GLI2: variants seen among roughly 807,000 people sequenced by gnomAD.
The protein encoded by GLI2 is transcription activator GLI2.
A neutral mutation model predicts 78.9 loss-of-function variants in GLI2; 22 were observed. The observed-to-expected ratio is 0.28, with a 90% CI of 0.20 to 0.40. The LOEUF (loss-of-function observed/expected upper bound fraction) is 0.40. Ranked by LOEUF, GLI2 falls within the 10% of genes least tolerant of loss-of-function variation. The pLI is 1.00. For synonymous variants in GLI2, 974 were observed against 963.7 expected, an observed-to-expected ratio of 1.01 and a Z score of -0.20; for missense variants, 2,097 against 2,213.2, an observed-to-expected ratio of 0.95 and a Z score of 1.05.
intron 2 of GLI2, among the ~76,000 whole-genome samples, chr2:120,822,759 TACA>T (rs543826162): frequency 8.8e-4 from 134 of 152,246 alleles, no homozygotes; most frequent in African/African-American, 3.2e-3. Flanking sequence ...GACGTTAAAA[TACA>T]ACAACAAAAC....
rs115728248 is a variant in GLI2 at position 120,847,253 on chromosome 2, C to T, written c.148+49785C>T. On this transcript the variant is annotated intron_variant, in intron 2 of 13. Coordinates refer to ENST00000361492, the MANE Select transcript of GLI2 (RefSeq NM_001374353.1). ...TGAGGGCTCGTCATCCTGGGATGGG[C>T]CCAAAACGTTTTAATTTTTTAATAA... Among the ~76,000 whole-genome samples the T allele has an allele frequency of 6.5e-3, 985 of 151,818 alleles. 9 individuals carry two copies. Among genetic ancestry groups the T allele is most frequent in the African/African-American group, 0.023 (945 of 41,384 alleles).
At chr2:120,847,404 G>A (rs1205091759) in intron 2 of GLI2, among the ~76,000 whole-genome samples, 2 of 152,148 alleles carry the variant, frequency 1.3e-5, no homozygotes, top group Non-Finnish European at 2.9e-5. Flanking sequence ...ACAGGTAAAA[G>A]CGTTTCGAGG....
intron 1 of GLI2, among the ~76,000 whole-genome samples, chr2:120,743,736 C>T (rs1053142941): frequency 6.6e-5 from 10 of 152,224 alleles, no homozygotes; most frequent in East Asian, 1.9e-4. Context: ...CAAGTTGCTT[C>T]GCCTATCTCT....
intron 2 of GLI2, among the ~76,000 whole-genome samples, chr2:120,830,680 T>C (rs1405923475): frequency 1.3e-5 from 2 of 152,140 alleles, no homozygotes; most frequent in African/African-American, 2.4e-5. Flanking sequence ...CTCTGGAGAA[T>C]GTGCAGGTGG....
intron 2 of GLI2, among the ~76,000 whole-genome samples, chr2:120,916,261 G>C (rs182064153): frequency 6.6e-6 from 1 of 152,220 alleles, no homozygotes; most frequent in Non-Finnish European, 1.5e-5. Flanking sequence ...TCTCGAGGAC[G>C]CCAGCAAGAG....
At chr2:120,975,296 G>A (rs1682402652) in intron 9 of GLI2, among the ~76,000 whole-genome samples, 187 bp downstream of exon 9, 1 of 152,198 alleles carries the variant, frequency 6.6e-6, no homozygotes, top group Non-Finnish European at 1.5e-5. Flanking sequence ...TTTTAAGATG[G>A]CTTCCAATAC....
chr2:120,820,882 A>C (rs1240054030), intron 2 of GLI2, among the ~76,000 whole-genome samples: 1 of 152,098 alleles, frequency 6.6e-6, no homozygotes. Context: ...TTGAGTGGCC[A>C]GAGGAGCAGT....
At position 120,982,722 on chromosome 2, in the gene GLI2, G is replaced by C. The variant is rs756237921; in HGVS notation, c.1474G>C (p.Gly492Arg). The change falls in exon 11 of 14, where the codon GGC becomes CGC. Residue 492 changes from glycine (G) to arginine (R), a missense_variant. By Grantham distance (125) the Gly-to-Arg change is moderately radical (BLOSUM62 -2). Transcript: ENST00000361492. The stretch of plus-strand genomic sequence containing the variant: ...CTGAACCGCCTCCTTCTAGTTCGAG[G>C]GCTGCTCGAAGGCCTACTCCCGCCT... ...GEKPHKCTFE[G>R]CSKAYSRLEN... is the part of the protein sequence containing the mutation. 2 of 1,612,658 alleles carry C rather than the reference G, an allele frequency of 1.2e-6. No homozygotes were observed. Among genetic ancestry groups the C allele is most frequent in the South Asian group, 2.2e-5 (2 of 90,948 alleles).
At chr2:120,841,061 G>C (rs1328127969) in intron 2 of GLI2, among the ~76,000 whole-genome samples, 3 of 152,164 alleles carry the variant, frequency 2.0e-5, no homozygotes, top group Non-Finnish European at 4.4e-5. Flanking sequence ...AGTTTCCCTT[G>C]TTGATCGTAT....
intron 2 of GLI2, among the ~76,000 whole-genome samples, chr2:120,845,611 G>A (rs529106573): frequency 1.3e-5 from 2 of 152,292 alleles, no homozygotes; most frequent in East Asian, 3.9e-4. Flanking sequence ...GAAAGCAAAC[G>A]GCACAGCAGT....
At chr2:120,826,069 C>T (rs565672387) in intron 2 of GLI2, among the ~76,000 whole-genome samples, 2 of 149,676 alleles carry the variant, frequency 1.3e-5, no homozygotes, top group East Asian at 2.0e-4. Flanking sequence ...CAGAGCAGAG[C>T]GTTGGGCCGT....
chr2:120,831,588 T>C (rs1686362971), intron 2 of GLI2, among the ~76,000 whole-genome samples: 1 of 152,174 alleles, frequency 6.6e-6, no homozygotes, highest in African/African-American at 2.4e-5. Context: ...AAATAGTAGA[T>C]TCCGTTTTGA....
intron 2 of GLI2, among the ~76,000 whole-genome samples, chr2:120,828,880 T>C (rs369321881): frequency 2.3e-5 from 1 of 42,984 alleles, no homozygotes; most frequent in African/African-American, 6.6e-5. Flanking sequence ...AAAAAAAAGA[T>C]CATCCACAGC....
chr2:120,769,361 C>T lies in GLI2; in HGVS notation c.-30-27930C>T, dbSNP rs56674138. Among the ~76,000 whole-genome samples, 1,374 of 152,340 alleles carry T rather than the reference C, an allele frequency of 9.0e-3. 23 individuals carry two copies. Among genetic ancestry groups the T allele is most frequent in the African/African-American group, 0.031 (1,289 of 41,584 alleles). Reference sequence around the variant, plus strand: ...CCAGTCCAGTGAGCCCTTTCTGCTGCAGGATGGGGGATTCCGGGGCTCCAT... The same window carrying T: ...CCAGTCCAGTGAGCCCTTTCTGCTGTAGGATGGGGGATTCCGGGGCTCCAT... On this transcript the variant is annotated intron_variant, in intron 1 of 13. Transcript: ENST00000361492.
chr2:120,958,842 G>T (rs992631100), intron 5 of GLI2, among the ~76,000 whole-genome samples: 1 of 152,180 alleles, frequency 6.6e-6, no homozygotes, highest in Non-Finnish European at 1.5e-5. Flanking sequence ...GACCCAAGGC[G>T]CCCCCAACTG....
chr2:120,820,430 C>G (rs935432960), intron 2 of GLI2, among the ~76,000 whole-genome samples: 2 of 152,204 alleles, frequency 1.3e-5, no homozygotes, highest in Admixed American at 6.5e-5. Context: ...CATTAGTTCC[C>G]CCCTCTCCAG....
At chr2:120,821,942 A>G (rs1271806879) in intron 2 of GLI2, among the ~76,000 whole-genome samples, 1 of 152,072 alleles carries the variant, frequency 6.6e-6, no homozygotes, top group Non-Finnish European at 1.5e-5. Flanking sequence ...CTTTGACTCC[A>G]CGGGGGCCGG....
chr2:120,841,848 G>GGGGTGTGTGTGTGTGT (rs1553455507), intron 2 of GLI2, among the ~76,000 whole-genome samples: 14 of 132,688 alleles, frequency 1.1e-4, no homozygotes, highest in African/African-American at 2.3e-4. Context: ...CAGTCTGGAG[G>GGGGTGTGTGTGTGTGT]GTGTGTGTGT....
chr2:120,786,818 C>T (rs1684011128), intron 1 of GLI2, among the ~76,000 whole-genome samples: 1 of 152,218 alleles, frequency 6.6e-6, no homozygotes, highest in South Asian at 2.1e-4. Context: ...GATGCCTTCT[C>T]CAACCCAGCC....
Sources: allele counts gnomAD v4.1 joint callset (sites outside exome capture counted in the v4.1 genomes callset), GRCh38; gene constraint gnomAD v4.1.1; transcripts MANE v1.5; gene names NCBI Gene and HGNC (gene_info 2026-07-23, HGNC 2026-07-21).